The following RBFOX1 variants were observed in gnomAD, a reference collection of about 807,000 sequenced individuals.
The protein encoded by RBFOX1 is RNA binding protein fox-1 homolog 1.
RBFOX1 carries 8 observed loss-of-function variants against 57.7 expected under a neutral mutation model. That is an observed-to-expected ratio of 0.14 (90% CI 0.08 to 0.25). RBFOX1 has a LOEUF of 0.25. Ranked by LOEUF, RBFOX1 falls within the 10% of genes least tolerant of loss-of-function variation. RBFOX1 has a pLI of 1.00. For synonymous variants in RBFOX1, 326 were observed against 222.4 expected (o/e 1.47, Z -4.15); for missense variants, 611 against 548.5 (o/e 1.11, Z -1.14).
intron 3 of RBFOX1, among the ~76,000 whole-genome samples, chr16:7,006,279 C>G (rs1404598264): frequency 6.6e-6 from 1 of 151,994 alleles, no homozygotes; most frequent in Non-Finnish European, 1.5e-5. Flanking sequence ...CTCAGCCTCT[C>G]GAGTAGCTGG....
At chr16:6,636,205 C>G (rs558979471) in intron 2 of RBFOX1, among the ~76,000 whole-genome samples, 6 of 152,264 alleles carry the variant, frequency 3.9e-5, no homozygotes, top group South Asian at 2.1e-4. Flanking sequence ...GAGTCTCGCT[C>G]TGTCGCCCAG....
chr16:7,021,921 CTTTCT>C (rs1447054163), intron 3 of RBFOX1, among the ~76,000 whole-genome samples: 1 of 147,760 alleles, frequency 6.8e-6, no homozygotes, highest in Non-Finnish European at 1.5e-5. Context: ...TCTTTTCTTT[CTTTCT>C]TTATTTTCTT....
intron 2 of RBFOX1, among the ~76,000 whole-genome samples, chr16:6,566,720 C>T (rs924848165): frequency 6.6e-6 from 1 of 152,154 alleles, no homozygotes; most frequent in African/African-American, 2.4e-5. Context: ...CTTTACTGTT[C>T]CTGGCACTCT....
At chr16:7,154,447 C>G (rs535416675) in intron 4 of RBFOX1, among the ~76,000 whole-genome samples, 1 of 152,326 alleles carries the variant, frequency 6.6e-6, no homozygotes, top group African/African-American at 2.4e-5. Context: ...GACAATAGAT[C>G]TTTCCTAAGA....
In RBFOX1 at chr16:7,072,846, C is replaced by G. The variant is rs551829631; in HGVS notation, c.27+20748C>G. On this transcript the variant is annotated intron_variant, in intron 4 of 15. Coordinates refer to ENST00000550418, the MANE Select transcript of RBFOX1 (RefSeq NM_018723.4). ...TTATTCCTGGGAGGAACGTCTTGAACATAAGTGCTCTGAGATGAAGAATTT... is the reference window on the plus strand; with the variant it reads ...TTATTCCTGGGAGGAACGTCTTGAAGATAAGTGCTCTGAGATGAAGAATTT... 2.8e-4 allele frequency among the ~76,000 whole-genome samples: 42 copies of G among 152,302 alleles called. 1 individual carries two copies. The highest frequency in any genetic ancestry group is 9.6e-4 in the African/African-American group (40 of 41,558).
intron 3 of RBFOX1, among the ~76,000 whole-genome samples, chr16:5,770,604 T>C (rs541282756): frequency 6.6e-6 from 1 of 152,360 alleles, no homozygotes; most frequent in South Asian, 2.1e-4. Flanking sequence ...TCCTGTTCTC[T>C]GTTGCTCTAG....
At chr16:7,173,716 A>G (rs1416016478) in intron 4 of RBFOX1, among the ~76,000 whole-genome samples, 4 of 152,184 alleles carry the variant, frequency 2.6e-5, no homozygotes, top group Non-Finnish European at 4.4e-5. Flanking sequence ...TATTTTAATC[A>G]TCTGTAAAGA....
chr16:5,287,641 G>T (rs1410227876), intron 1 of RBFOX1, among the ~76,000 whole-genome samples: 1 of 152,174 alleles, frequency 6.6e-6, no homozygotes, highest in Non-Finnish European at 1.5e-5. Context: ...GCTCTACTTT[G>T]CTCTTGGTGT....
chr16:5,266,548 G>GGT (rs1555471946), intron 1 of RBFOX1, among the ~76,000 whole-genome samples: 19 of 128,034 alleles, frequency 1.5e-4, no homozygotes, highest in African/African-American at 3.0e-4. Flanking sequence ...GAAATGTTCA[G>GGT]TTTTTTTTTT....
rs569427099 is a variant in RBFOX1, at chr16:7,491,657, G to C, written c.28-26490G>C. 3.3e-5 allele frequency among the ~76,000 whole-genome samples: 5 copies of C among 152,052 alleles called. No individual in the cohort carries two copies. In the South Asian group the frequency reaches 8.3e-4, roughly 25 times the overall value. On this transcript the variant is annotated intron_variant, in intron 4 of 15. Coordinates refer to ENST00000550418, the MANE Select transcript of RBFOX1 (RefSeq NM_018723.4). ...TTTTATCTATTTTATTTGAAACAGG[G>C]TCTTGCTCTGTCACCCAGGCTGGAG... is the stretch of plus-strand genomic sequence containing the variant.
At chr16:6,794,220 T>C (rs2083499453) in intron 3 of RBFOX1, among the ~76,000 whole-genome samples, 2 of 151,860 alleles carry the variant, frequency 1.3e-5, no homozygotes, top group Admixed American at 6.6e-5. Flanking sequence ...GCTTGTGACT[T>C]TTAGGTCCTC....
chr16:7,706,322 A>C (rs1022962063), intron 14 of RBFOX1, among the ~76,000 whole-genome samples: 1 of 152,234 alleles, frequency 6.6e-6, no homozygotes, highest in South Asian at 2.1e-4. Flanking sequence ...CCTGAAGAGA[A>C]AAGGAGGCAG....
At chr16:7,332,413 G>A (rs901004930) in intron 4 of RBFOX1, among the ~76,000 whole-genome samples, 12 of 152,158 alleles carry the variant, frequency 7.9e-5, no homozygotes, top group African/African-American at 2.9e-4. Context: ...TTTGAAATCA[G>A]AGAGAGAGCG....
intron 14 of RBFOX1, among the ~76,000 whole-genome samples, chr16:7,693,829 C>T (rs1486664140): frequency 1.3e-5 from 2 of 152,088 alleles, no homozygotes; most frequent in African/African-American, 4.8e-5. Context: ...TAGAGGCATT[C>T]GAGAATATAA....
chr16:7,572,877 C>G (rs902450968), intron 5 of RBFOX1, among the ~76,000 whole-genome samples: 30 of 87,812 alleles, frequency 3.4e-4, no homozygotes, highest in African/African-American at 1.0e-3. Flanking sequence ...TGAACCAGCC[C>G]CAAATGTCAA....
chr16:7,014,493 C>G (rs902376468), intron 3 of RBFOX1, among the ~76,000 whole-genome samples: 2 of 151,854 alleles, frequency 1.3e-5, no homozygotes, highest in Admixed American at 6.6e-5. Flanking sequence ...GTGATCCACT[C>G]TCCTCCCACA....
chr16:6,035,743 C>G (rs1026943638), intron 1 of RBFOX1, among the ~76,000 whole-genome samples: 1 of 152,148 alleles, frequency 6.6e-6, no homozygotes, highest in South Asian at 2.1e-4. Context: ...CATAGACTGT[C>G]AACCAATTGG....
At chr16:6,108,641 C>T (rs2096409763) in intron 1 of RBFOX1, among the ~76,000 whole-genome samples, 1 of 152,252 alleles carries the variant, frequency 6.6e-6, no homozygotes, top group African/African-American at 2.4e-5. Flanking sequence ...TTTATTCTTT[C>T]ACAGTTCTAG....
chr16:6,035,877 A>G (rs2095358954), intron 1 of RBFOX1, among the ~76,000 whole-genome samples: 1 of 152,126 alleles, frequency 6.6e-6, no homozygotes, highest in Non-Finnish European at 1.5e-5. Flanking sequence ...TTTTTCAGTT[A>G]CTCTGAGAAA....
Sources: gnomAD v4.1 joint callset for allele counts (sites outside exome capture counted in the v4.1 genomes callset) on GRCh38, gnomAD v4.1.1 for gene constraint, MANE v1.5 for transcripts, NCBI Gene and HGNC (gene_info 2026-07-23, HGNC 2026-07-21) for gene names.